SPAG16: variants seen among roughly 807,000 people sequenced by gnomAD.
SPAG16 encodes sperm associated antigen 16.
In SPAG16, 86 loss-of-function variants were observed where a neutral mutation model predicts 80.4. That is an observed-to-expected ratio of 1.07 (90% CI 0.90 to 1.28). The LOEUF (loss-of-function observed/expected upper bound fraction) is 1.28, where lower values mean the gene tolerates loss of function less well. Ranked by LOEUF, SPAG16 falls within the 50% of genes most tolerant of loss-of-function variation. The pLI, the probability that SPAG16 is intolerant of heterozygous loss-of-function variation, is 0.00. For synonymous variants in SPAG16, 294 were observed against 265.9 expected (o/e 1.11, Z -1.03); for missense variants, 870 against 765.3 (o/e 1.14, Z -1.61).
chr2:213,682,582 T>C (rs2064450433), intron 10 of SPAG16, among the ~76,000 whole-genome samples: 1 of 152,174 alleles, frequency 6.6e-6, no homozygotes, highest in Non-Finnish European at 1.5e-5. Flanking sequence ...AAGGGAGAGC[T>C]TATCACAAGC....
chr2:214,257,209 T>C (rs539829001), intron 15 of SPAG16, among the ~76,000 whole-genome samples: 1 of 151,242 alleles, frequency 6.6e-6, no homozygotes. Context: ...ATAAAAAAAA[T>C]GTGATAGATT....
intron 10 of SPAG16, among the ~76,000 whole-genome samples, chr2:213,847,440 A>G (rs561681498): frequency 1.3e-5 from 2 of 152,284 alleles, no homozygotes; most frequent in Admixed American, 1.3e-4. Context: ...GGCATATCAT[A>G]TGGCAAAAGC....
At chr2:213,956,234 G>A (rs1328033112) in intron 12 of SPAG16, among the ~76,000 whole-genome samples, 1 of 151,894 alleles carries the variant, frequency 6.6e-6, no homozygotes, top group Non-Finnish European at 1.5e-5. Context: ...GTGATTACAG[G>A]CATAAGCCAC....
chr2:213,765,279 G>C (rs1214727511), intron 10 of SPAG16, among the ~76,000 whole-genome samples: 1 of 152,184 alleles, frequency 6.6e-6, no homozygotes, highest in Non-Finnish European at 1.5e-5. Context: ...TGAGGCAGGC[G>C]AATTGCTTGA....
At chr2:213,673,595 A>G (rs146906434) in intron 10 of SPAG16, among the ~76,000 whole-genome samples, 70 of 152,340 alleles carry the variant, frequency 4.6e-4, no homozygotes, top group African/African-American at 1.7e-3. Context: ...AGGATACACA[A>G]TCTAATATAT....
chr2:214,195,671 A>G (rs1172957714), intron 15 of SPAG16, among the ~76,000 whole-genome samples: 2 of 151,986 alleles, frequency 1.3e-5, no homozygotes, highest in African/African-American at 4.8e-5. Context: ...GTCTGAGGTC[A>G]TTACTGAGAT....
chr2:213,676,745 G>C lies in SPAG16; in HGVS notation c.1071-185740G>C, dbSNP rs1267461645. Among the ~76,000 whole-genome samples the C allele has an allele frequency of 2.0e-5, 3 of 150,678 alleles. No homozygotes were observed. The East Asian group carries it at 5.8e-4, about 29-fold the overall frequency. ...CCAGGGATGAAGCCCACTTGATCAT[G>C]GTGGATAAGCTTTTTGATGTGCTGC... is the stretch of plus-strand genomic sequence containing the variant. On this transcript the variant is annotated intron_variant, in intron 10 of 15. Coordinates refer to ENST00000331683, the MANE Select transcript of SPAG16 (RefSeq NM_024532.5).
intron 10 of SPAG16, among the ~76,000 whole-genome samples, chr2:213,807,219 T>A (rs1005394283): frequency 6.6e-6 from 1 of 152,180 alleles, no homozygotes; most frequent in African/African-American, 2.4e-5. Flanking sequence ...CTTGACTCAT[T>A]TGCTTCCATA....
intron 15 of SPAG16, among the ~76,000 whole-genome samples, chr2:214,229,506 G>A: frequency 6.6e-6 from 1 of 151,686 alleles, no homozygotes; most frequent in Non-Finnish European, 1.5e-5. Flanking sequence ...ATATGTGTAT[G>A]TGTGTATATA....
chr2:213,732,852 C>T (rs1356355310), intron 10 of SPAG16, among the ~76,000 whole-genome samples: 1 of 152,068 alleles, frequency 6.6e-6, no homozygotes, highest in Non-Finnish European at 1.5e-5. Flanking sequence ...ATGCACATGT[C>T]TTTATAATAG....
intron 9 of SPAG16, among the ~76,000 whole-genome samples, chr2:213,401,096 A>G (rs1002747118): frequency 1.3e-5 from 2 of 152,200 alleles, no homozygotes; most frequent in African/African-American, 4.8e-5. Context: ...GGTGTGAGCC[A>G]CTGCACCCAG....
At chr2:213,694,555 C>G (rs2065081298) in intron 10 of SPAG16, among the ~76,000 whole-genome samples, 5 of 152,196 alleles carry the variant, frequency 3.3e-5, no homozygotes, top group Admixed American at 3.3e-4. Flanking sequence ...CTTGGCCTCT[C>G]AATATGTTGA....
intron 15 of SPAG16, among the ~76,000 whole-genome samples, chr2:214,182,529 TG>T (rs1389403112): frequency 5.9e-5 from 9 of 151,936 alleles, no homozygotes; most frequent in African/African-American, 1.9e-4. Context: ...CTTAGGTAAA[TG>T]TATTTTATAA....
At chr2:213,687,546 G>A (rs543668648) in intron 10 of SPAG16, among the ~76,000 whole-genome samples, 9 of 152,134 alleles carry the variant, frequency 5.9e-5, no homozygotes, top group East Asian at 3.9e-4. Context: ...CTAGATTGGC[G>A]TCCTATTATT....
chr2:213,554,961 G>T (rs992354178), intron 10 of SPAG16, among the ~76,000 whole-genome samples: 1 of 151,956 alleles, frequency 6.6e-6, no homozygotes, highest in East Asian at 1.9e-4. Context: ...TTCCAAACCC[G>T]AGAAAGATAA....
Position 214,398,269 on chromosome 2 carries a change from A to C in SPAG16, c.1721-11871A>C, listed in dbSNP as rs555172535. On this transcript the variant is annotated intron_variant, in intron 15 of 15. Transcript: ENST00000331683. ...GTTTATTTGAATTTCTGTGTGATAA[A>C]TATATTTGTTAAACTTTAAAAAAAT... Among the ~76,000 whole-genome samples, 3 of 152,330 alleles carry C rather than the reference A, an allele frequency of 2.0e-5. No homozygotes were observed. The East Asian group carries it at 5.8e-4, about 29-fold the overall frequency.
intron 15 of SPAG16, among the ~76,000 whole-genome samples, chr2:214,302,888 G>A (rs1225009630): frequency 1.3e-5 from 2 of 152,036 alleles, no homozygotes; most frequent in Non-Finnish European, 2.9e-5. Context: ...GTGCTTCTTT[G>A]TCTTTTATTA....
At chr2:213,606,304 G>A (rs1043244795) in intron 10 of SPAG16, among the ~76,000 whole-genome samples, 11 of 152,130 alleles carry the variant, frequency 7.2e-5, no homozygotes, top group African/African-American at 2.7e-4. Context: ...ACAAAGTGGG[G>A]ACATGTTCAG....
chr2:213,930,694 T>G (rs1575582606), intron 12 of SPAG16, among the ~76,000 whole-genome samples: 1 of 152,348 alleles, frequency 6.6e-6, no homozygotes, highest in South Asian at 2.1e-4. Flanking sequence ...ATGTTTTGAT[T>G]TTAATTCAAG....
Sources: gnomAD v4.1 joint callset for allele counts (sites outside exome capture counted in the v4.1 genomes callset) on GRCh38, gnomAD v4.1.1 for gene constraint, MANE v1.5 for transcripts, NCBI Gene and HGNC (gene_info 2026-07-23, HGNC 2026-07-21) for gene names.